The following DSCAM variants were observed in gnomAD, a reference collection of about 807,000 sequenced individuals.
DSCAM encodes DS cell adhesion molecule.
DSCAM carries 47 observed loss-of-function variants against 217.7 expected under a neutral mutation model. The ratio of observed to expected loss-of-function variants is 0.22; its 90% CI spans 0.17 to 0.28. The LOEUF is 0.28. Ranked by LOEUF, DSCAM falls within the 10% of genes least tolerant of loss-of-function variation. DSCAM has a pLI of 1.00. For missense variants in DSCAM, 2,080 were observed against 2,618.3 expected, an observed-to-expected ratio of 0.79 and a Z score of 4.49; for synonymous variants, 1,056 against 1,015.3, an observed-to-expected ratio of 1.04 and a Z score of -0.76.
chr21:40,549,418 G>A lies in DSCAM; in HGVS notation c.508+143392C>T, dbSNP rs927344641. The stretch of plus-strand genomic sequence containing the variant: ...AAAAAAAAACAACAATGCATCCAGG[G>A]CTGTGAGGGTCCCACTACTTGCGCT... On this transcript the variant is annotated intron_variant, in intron 3 of 32. Coordinates refer to ENST00000400454, the MANE Select transcript of DSCAM (RefSeq NM_001389.5). Among the ~76,000 whole-genome samples, 10 of 152,098 alleles carry A rather than the reference G, an allele frequency of 6.6e-5. 1 individual carries two copies. The highest frequency in any genetic ancestry group is 3.3e-4 in the Admixed American group (5 of 15,272).
chr21:40,678,080 G>C (rs769178730), intron 3 of DSCAM, among the ~76,000 whole-genome samples: 1 of 151,926 alleles, frequency 6.6e-6, no homozygotes, highest in Non-Finnish European at 1.5e-5. Flanking sequence ...TTGAAGTAAA[G>C]CTCAGTTATA....
intron 1 of DSCAM, among the ~76,000 whole-genome samples, chr21:40,827,684 G>C (rs1569056823): frequency 1.3e-5 from 2 of 152,040 alleles, no homozygotes; most frequent in Non-Finnish European, 2.9e-5. Context: ...CTTGTTTCTT[G>C]TCTACAGTGA....
chr21:40,283,492 A>C (rs1366387600), intron 10 of DSCAM, among the ~76,000 whole-genome samples: 2 of 152,190 alleles, frequency 1.3e-5, no homozygotes, highest in Non-Finnish European at 2.9e-5. Flanking sequence ...ACAGGGACTG[A>C]GAGTATGGGG....
At chr21:40,020,915 C>T (rs886534324) in intron 32 of DSCAM, among the ~76,000 whole-genome samples, 2 of 152,154 alleles carry the variant, frequency 1.3e-5, no homozygotes, top group African/African-American at 2.4e-5. Flanking sequence ...GGCCAATGCC[C>T]TTCCTGTCAG....
At chr21:40,196,803 C>A (rs937309864) in intron 11 of DSCAM, among the ~76,000 whole-genome samples, 1 of 152,132 alleles carries the variant, frequency 6.6e-6, no homozygotes, top group Non-Finnish European at 1.5e-5. Context: ...TTTCCATATA[C>A]TGCATAAGTA....
chr21:40,660,065 C>T (rs989116480), intron 3 of DSCAM, among the ~76,000 whole-genome samples: 11 of 152,190 alleles, frequency 7.2e-5, no homozygotes, highest in Non-Finnish European at 1.3e-4. Flanking sequence ...AATGTTTTGA[C>T]ATCCATCACC....
Position 40,305,684 on chromosome 21 carries a change from T to C in DSCAM, c.2062+6397A>G, listed in dbSNP as rs374966031. 7.9e-5 allele frequency among the ~76,000 whole-genome samples: 12 copies of C among 151,388 alleles called. No homozygotes were observed. In the East Asian group the frequency reaches 2.3e-3, roughly 29 times the overall value. ...TGGCTAGCCAGTTTTCCCAGCACCATTTATTAAATAGGGAATCCTTTCCCC... is the reference window on the plus strand; with the variant it reads ...TGGCTAGCCAGTTTTCCCAGCACCACTTATTAAATAGGGAATCCTTTCCCC... On this transcript the variant is annotated intron_variant, in intron 9 of 32. Coordinates refer to ENST00000400454, the MANE Select transcript of DSCAM (RefSeq NM_001389.5).
At chr21:40,251,049 G>T (rs2073297139) in intron 11 of DSCAM, among the ~76,000 whole-genome samples, 3 of 152,188 alleles carry the variant, frequency 2.0e-5, no homozygotes, top group Non-Finnish European at 4.4e-5. Context: ...CAGCCCTTGT[G>T]CTGCAGCATG....
intron 1 of DSCAM, among the ~76,000 whole-genome samples, chr21:40,800,200 T>C (rs927749303): frequency 2.6e-5 from 4 of 152,238 alleles, no homozygotes; most frequent in African/African-American, 9.6e-5. Context: ...CTTGGACTTC[T>C]CAACCTCCAT....
rs1279568684 is a variant in DSCAM at position 40,012,553 on chromosome 21, C to T, written c.*481G>A. On this transcript the variant is annotated 3_prime_UTR_variant, in exon 33 of 33. Coordinates refer to ENST00000400454, the MANE Select transcript of DSCAM (RefSeq NM_001389.5). Reference sequence around the variant, plus strand: ...TGACGGCACTCATCCTAATTAACAACAAAAGAAGACCAAATTGAGAACCCG... The same window carrying T: ...TGACGGCACTCATCCTAATTAACAATAAAAGAAGACCAAATTGAGAACCCG... 1 of 152,220 alleles carries T rather than the reference C, an allele frequency of 6.6e-6. No individual in the cohort carries two copies. Among genetic ancestry groups the T allele is most frequent in the Admixed American group, 6.5e-5 (1 of 15,286 alleles). The allele number at this position is 152,220 out of a possible 1,614,324, so 9.4% of individuals were successfully genotyped here.
At chr21:40,549,049 C>CA (rs1179852779) in intron 3 of DSCAM, among the ~76,000 whole-genome samples, 2 of 152,194 alleles carry the variant, frequency 1.3e-5, no homozygotes, top group Non-Finnish European at 2.9e-5. Context: ...ACCAAAAATA[C>CA]AAAAAATTAA....
chr21:40,085,894 A>G (rs913636321), intron 22 of DSCAM, 129 bp from the exon 23 acceptor site: 3 of 773,358 alleles, frequency 3.9e-6, no homozygotes, highest in Admixed American at 3.7e-5. Context: ...TTGCATTATG[A>G]AAGAACTAAA....
chr21:40,230,094 C>T (rs1006792177), intron 11 of DSCAM, among the ~76,000 whole-genome samples: 4 of 152,148 alleles, frequency 2.6e-5, no homozygotes, highest in African/African-American at 7.2e-5. Flanking sequence ...TAAATAATAG[C>T]GAGCATCTTT....
At chr21:40,367,794 A>G (rs192854268) in intron 4 of DSCAM, among the ~76,000 whole-genome samples, 19 of 152,272 alleles carry the variant, frequency 1.2e-4, no homozygotes, top group African/African-American at 4.3e-4. Context: ...CAGGTGGCTT[A>G]GTGTATGATA....
At chr21:40,196,512 T>C (rs2091010663) in intron 11 of DSCAM, among the ~76,000 whole-genome samples, 1 of 152,196 alleles carries the variant, frequency 6.6e-6, no homozygotes, top group Non-Finnish European at 1.5e-5. Context: ...ACAGCCTGGA[T>C]TGAAACAACT....
rs538133041 is a variant in DSCAM at position 40,530,949 on chromosome 21, C to T, written c.509-161704G>A. ...TCCATCCATCCATCCATCCATCCAT[C>T]CATCCATCCATCCAACCATCCATTC... On this transcript the variant is annotated intron_variant, in intron 3 of 32. Coordinates refer to ENST00000400454, the MANE Select transcript of DSCAM (RefSeq NM_001389.5). 4.6e-5 allele frequency among the ~76,000 whole-genome samples: 6 copies of T among 130,196 alleles called. No individual in the cohort carries two copies. In the East Asian group the frequency reaches 1.5e-3, roughly 32 times the overall value. The allele number at this position is 130,196 out of a possible 152,430, so 85.4% of individuals were successfully genotyped here. A position where few individuals can be genotyped will look rare whatever the true frequency, so the allele number is the denominator to read the frequency against.
intron 19 of DSCAM, among the ~76,000 whole-genome samples, chr21:40,133,330 T>C (rs1244058454): frequency 2.0e-5 from 3 of 152,092 alleles, no homozygotes; most frequent in Non-Finnish European, 1.5e-5. Flanking sequence ...CAATTTAAAT[T>C]TTTACTAAAT....
chr21:40,600,764 T>C lies in DSCAM; in HGVS notation c.508+92046A>G, dbSNP rs576703462. 4.6e-5 allele frequency among the ~76,000 whole-genome samples: 7 copies of C among 152,332 alleles called. No individual in the cohort carries two copies. In the South Asian group the frequency reaches 1.4e-3, roughly 32 times the overall value. ...GTGTCTAGTTTCTTTCACACATGGA[T>C]TTTCAGGTGTTCCAGCATTATTTGT... On this transcript the variant is annotated intron_variant, in intron 3 of 32. Transcript: ENST00000400454.
At chr21:40,129,811 T>C (rs938097692) in intron 19 of DSCAM, among the ~76,000 whole-genome samples, 4 of 152,166 alleles carry the variant, frequency 2.6e-5, no homozygotes, top group Admixed American at 6.5e-5. Context: ...TGTGGTCACA[T>C]AGTCACCCCA....
Sources: allele counts gnomAD v4.1 joint callset (sites outside exome capture counted in the v4.1 genomes callset), GRCh38; gene constraint gnomAD v4.1.1; transcripts MANE v1.5; gene names NCBI Gene and HGNC (gene_info 2026-07-23, HGNC 2026-07-21).